KCNJ6: variants seen among roughly 807,000 people sequenced by gnomAD.
The protein encoded by KCNJ6 is potassium inwardly rectifying channel subfamily J member 6, also known as G protein-activated inward rectifier potassium channel 2.
In KCNJ6, 9 loss-of-function variants were observed where a neutral mutation model predicts 34.2. That is an observed-to-expected ratio of 0.26 (90% CI 0.16 to 0.46). The LOEUF (loss-of-function observed/expected upper bound fraction) is 0.46. KCNJ6 is among the 20% of genes least tolerant of loss of function. The probability of loss-of-function intolerance (pLI) is 1.00; values close to 1 mark genes in which losing one functional copy is unlikely to be tolerated. For synonymous variants in KCNJ6, 196 were observed against 207.1 expected (o/e 0.95, Z 0.46); for missense variants, 236 against 531.3 (o/e 0.44, Z 5.46).
At chr21:37,840,587 T>C (rs1184770705) in intron 2 of KCNJ6, 71 bp downstream of exon 2, 3 of 999,136 alleles carry the variant, frequency 3.0e-6, no homozygotes, top group South Asian at 2.7e-5. Context: ...TCACACGGGA[T>C]GTCTTTTTTG....
At chr21:37,673,118 G>A (rs1413746500) in intron 3 of KCNJ6, among the ~76,000 whole-genome samples, 2 of 152,244 alleles carry the variant, frequency 1.3e-5, no homozygotes, top group Non-Finnish European at 2.9e-5. Context: ...CAAAGGAGGA[G>A]AAGAAGAATT....
chr21:37,631,705 T>A (rs1290517420), intron 3 of KCNJ6, among the ~76,000 whole-genome samples: 1 of 151,854 alleles, frequency 6.6e-6, no homozygotes, highest in East Asian at 1.9e-4. Context: ...GCAGAACAAG[T>A]GCTGGCAAGA....
intron 1 of KCNJ6, among the ~76,000 whole-genome samples, chr21:37,854,724 T>C (rs77725876): frequency 0.015 from 2,116 of 142,784 alleles, 28 homozygotes; most frequent in South Asian, 0.024. Context: ...CCACATTGTA[T>C]GTATCTATCA....
Position 37,618,354 on chromosome 21 carries a change from C to T in KCNJ6, c.*6805G>A, listed in dbSNP as rs1192404797. Reference sequence around the variant, plus strand: ...TAGGCTCTTTGTAGCCAAAAGTCTGCTCCTAGGCTCCTGGAAGACCTTGCC... The same window carrying T: ...TAGGCTCTTTGTAGCCAAAAGTCTGTTCCTAGGCTCCTGGAAGACCTTGCC... On this transcript the variant is annotated 3_prime_UTR_variant, in exon 4 of 4. Coordinates refer to ENST00000609713, the MANE Select transcript of KCNJ6 (RefSeq NM_002240.5). The T allele has an allele frequency of 6.6e-6, 1 of 152,226 alleles. No individual in the cohort carries two copies. Among genetic ancestry groups the T allele is most frequent in the Non-Finnish European group, 1.5e-5 (1 of 68,040 alleles). The allele number at this position is 152,226 out of a possible 1,614,324, so 9.4% of individuals were successfully genotyped here.
intron 2 of KCNJ6, among the ~76,000 whole-genome samples, chr21:37,730,817 CA>C (rs2123467295): frequency 6.6e-6 from 1 of 152,274 alleles, no homozygotes; most frequent in East Asian, 1.9e-4. Flanking sequence ...AAAGGCATCA[CA>C]AAGGAGGTGG....
At chr21:37,832,597 T>C (rs999591879) in intron 2 of KCNJ6, among the ~76,000 whole-genome samples, 2 of 152,088 alleles carry the variant, frequency 1.3e-5, no homozygotes, top group Admixed American at 1.3e-4. Flanking sequence ...TCTGGAGGCA[T>C]GGGGCAGTCA....
At chr21:37,670,571 C>T (rs1250762616) in intron 3 of KCNJ6, among the ~76,000 whole-genome samples, 2 of 152,144 alleles carry the variant, frequency 1.3e-5, no homozygotes, top group African/African-American at 4.8e-5. Context: ...TTGAAACCAG[C>T]CGGGGCAACG....
Position 37,655,685 on chromosome 21 carries a change from T to C in KCNJ6, c.947-30201A>G, listed in dbSNP as rs75581863. 4.6e-5 allele frequency among the ~76,000 whole-genome samples: 7 copies of C among 152,312 alleles called. No individual in the cohort carries two copies. The East Asian group carries it at 1.2e-3, about 25-fold the overall frequency. On this transcript the variant is annotated intron_variant, in intron 3 of 3. Coordinates refer to ENST00000609713, the MANE Select transcript of KCNJ6 (RefSeq NM_002240.5). ...AGTTGGCTTCTTATAATCCAGTGCT[T>C]GACTCAGGGACCTTCTCTGATTCTT... is the stretch of plus-strand genomic sequence containing the variant.
In KCNJ6 at chr21:37,623,624, CCCTCCCTT is replaced by C. The variant is rs2054298261; in HGVS notation, c.*1527_*1534del. ...ACCCTTCCTTCCTTCCTTCCTTCCTCCCTCCCTTCCTCCCTTCTTTCCTTTTTGCAGAT... is the reference window on the plus strand; with the variant it reads ...ACCCTTCCTTCCTTCCTTCCTTCCTCCCTCCCTTCTTTCCTTTTTGCAGAT... On this transcript the variant is annotated 3_prime_UTR_variant, in exon 4 of 4. Transcript: ENST00000609713. 1 of 152,228 alleles carries C rather than the reference CCCTCCCTT, an allele frequency of 6.6e-6. No homozygotes were observed. Among genetic ancestry groups the C allele is most frequent in the Non-Finnish European group, 1.5e-5 (1 of 68,030 alleles). 9.4% of individuals were successfully genotyped at this position (152,228 alleles called of 1,614,324 possible). A position where few individuals can be genotyped will look rare whatever the true frequency, so the allele number is the denominator to read the frequency against.
In KCNJ6 at chr21:37,633,475, C is replaced by A. The variant is rs574311612; in HGVS notation, c.947-7991G>T. On this transcript the variant is annotated intron_variant, in intron 3 of 3. Coordinates refer to ENST00000609713, the MANE Select transcript of KCNJ6 (RefSeq NM_002240.5). ...TCAGTATTTTACCAAAGGCCTTTGC[C>A]AGTAAAAATAAGATAAATACAATAA... is the stretch of plus-strand genomic sequence containing the variant. Among the ~76,000 whole-genome samples, 5 of 98,874 alleles carry A rather than the reference C, an allele frequency of 5.1e-5. No homozygotes were observed. In the East Asian group the frequency reaches 1.9e-3, roughly 37 times the overall value. 64.9% of individuals were successfully genotyped at this position (98,874 alleles called of 152,430 possible).
intron 2 of KCNJ6, among the ~76,000 whole-genome samples, chr21:37,831,324 G>A (rs539154985): frequency 1.3e-5 from 2 of 152,298 alleles, no homozygotes; most frequent in Middle Eastern, 3.4e-3. Context: ...CCTAATGGTG[G>A]GACTGAAATG....
chr21:37,848,907 T>C (rs2055523715), intron 1 of KCNJ6, among the ~76,000 whole-genome samples: 1 of 152,216 alleles, frequency 6.6e-6, no homozygotes, highest in Non-Finnish European at 1.5e-5. Flanking sequence ...ACTTTCAGCG[T>C]CAATATCCAG....
chr21:37,728,181 G>A (rs942293979), intron 2 of KCNJ6, among the ~76,000 whole-genome samples: 2 of 152,214 alleles, frequency 1.3e-5, no homozygotes, highest in Non-Finnish European at 1.5e-5. Context: ...AGGACATTAT[G>A]CTCAGTGAAA....
chr21:37,656,244 A>C (rs189011928), intron 3 of KCNJ6, among the ~76,000 whole-genome samples: 82 of 152,196 alleles, frequency 5.4e-4, no homozygotes, highest in African/African-American at 1.8e-3. Context: ...TCATCCAATC[A>C]TTGGGGGTTC....
At chr21:37,677,797 TATCCACCCAC>T (rs2054573239) in intron 3 of KCNJ6, among the ~76,000 whole-genome samples, 1 of 14,838 alleles carries the variant, frequency 6.7e-5, no homozygotes, top group African/African-American at 2.8e-4. Context: ...TCCACCCACC[TATCCACCCAC>T]CCATCCAGTC....
intron 2 of KCNJ6, among the ~76,000 whole-genome samples, chr21:37,827,181 A>C (rs1422140931): frequency 6.6e-6 from 1 of 152,214 alleles, no homozygotes. Context: ...GGAAATCAAA[A>C]GTGTGCTTTA....
intron 3 of KCNJ6, among the ~76,000 whole-genome samples, chr21:37,638,818 T>C (rs548105358): frequency 5.9e-5 from 9 of 152,214 alleles, no homozygotes; most frequent in Non-Finnish European, 8.8e-5. Context: ...CTTCTTCAAA[T>C]TCTCCCATTC....
rs538578426 is a variant in KCNJ6 at position 37,912,604 on chromosome 21, C to T, written c.-28+3280G>A. Among the ~76,000 whole-genome samples the T allele has an allele frequency of 5.9e-5, 9 of 152,320 alleles. No individual in the cohort carries two copies. The East Asian group carries it at 7.7e-4, about 13-fold the overall frequency. On this transcript the variant is annotated intron_variant, in intron 1 of 3. Coordinates refer to ENST00000609713, the MANE Select transcript of KCNJ6 (RefSeq NM_002240.5). ...AACAGCTGCGTTGTTTAATACTCCA[C>T]GTGTCACTTCTTCTGTCTACTTTAG... is the stretch of plus-strand genomic sequence containing the variant.
At chr21:37,681,779 C>T (rs1356048) in intron 3 of KCNJ6, among the ~76,000 whole-genome samples, 19 of 96,832 alleles carry the variant, frequency 2.0e-4, no homozygotes, top group African/African-American at 8.9e-4. Flanking sequence ...GGAGAGAGGA[C>T]GAAGAGAGGA....
Sources: gnomAD v4.1 joint callset for allele counts (sites outside exome capture counted in the v4.1 genomes callset) on GRCh38, gnomAD v4.1.1 for gene constraint, MANE v1.5 for transcripts, NCBI Gene and HGNC (gene_info 2026-07-23, HGNC 2026-07-21) for gene names.